The following SCFD2 variants were observed in gnomAD, a reference collection of about 807,000 sequenced individuals.
SCFD2 encodes sec1 family domain containing 2.
A neutral mutation model predicts 58.9 loss-of-function variants in SCFD2; 54 were observed. The ratio of observed to expected loss-of-function variants is 0.92; its 90% confidence interval spans 0.74 to 1.15. The LOEUF is 1.15. Among genes scored for constraint, SCFD2 ranks in the 50% most tolerant of loss-of-function variants. The pLI, the probability that SCFD2 is intolerant of heterozygous loss-of-function variation, is 0.00. For synonymous variants in SCFD2, 321 were observed against 335.9 expected, an observed-to-expected ratio of 0.96 and a Z score of 0.49; for missense variants, 805 against 836.6, an observed-to-expected ratio of 0.96 and a Z score of 0.47.
At chr4:53,216,020 T>C (rs1728817684) in intron 4 of SCFD2, among the ~76,000 whole-genome samples, 1 of 152,202 alleles carries the variant, frequency 6.6e-6, no homozygotes, top group South Asian at 2.1e-4. Context: ...GGATAAGCTT[T>C]CTTGATGTGC....
chr4:53,270,392 C>A (rs1318336275), intron 4 of SCFD2, among the ~76,000 whole-genome samples: 1 of 152,054 alleles, frequency 6.6e-6, no homozygotes, highest in African/African-American at 2.4e-5. Context: ...AACAAAACCT[C>A]AGCAAACATA....
chr4:53,268,357 G>A (rs950697874), intron 4 of SCFD2, among the ~76,000 whole-genome samples: 2 of 152,102 alleles, frequency 1.3e-5, no homozygotes, highest in African/African-American at 4.8e-5. Flanking sequence ...GGACCCAAGT[G>A]GGGTGAAGAG....
intron 5 of SCFD2, among the ~76,000 whole-genome samples, chr4:53,092,489 C>A (rs1724500603): frequency 6.6e-6 from 1 of 151,566 alleles, no homozygotes; most frequent in Non-Finnish European, 1.5e-5. Context: ...AAAACATGTA[C>A]ATGAATATTC....
chr4:52,990,428 T>G (rs1721591516), intron 5 of SCFD2, among the ~76,000 whole-genome samples: 1 of 152,230 alleles, frequency 6.6e-6, no homozygotes, highest in Non-Finnish European at 1.5e-5. Context: ...AATTATCTAA[T>G]TCAGGGATCT....
At chr4:52,935,206 TA>T (rs1463873594) in intron 5 of SCFD2, among the ~76,000 whole-genome samples, 2 of 152,242 alleles carry the variant, frequency 1.3e-5, no homozygotes, top group Non-Finnish European at 2.9e-5. Flanking sequence ...AGGAGCTCAA[TA>T]AATAGTTGCT....
rs557805983 is a variant in SCFD2 at position 53,334,263 on chromosome 4, A to C, written c.1007+18335T>G. 6.6e-5 allele frequency among the ~76,000 whole-genome samples: 10 copies of C among 152,264 alleles called. No individual in the cohort carries two copies. In the South Asian group the frequency reaches 2.1e-3, roughly 32 times the overall value. The stretch of plus-strand genomic sequence containing the variant: ...ATCCCATTACTGGGTATATACCCAA[A>C]GGACTATAAATCTTGCTGCTATAAA... On this transcript the variant is annotated intron_variant, in intron 2 of 8. Coordinates refer to ENST00000401642, the MANE Select transcript of SCFD2 (RefSeq NM_152540.4).
chr4:53,054,905 C>T (rs1168465542), intron 5 of SCFD2, among the ~76,000 whole-genome samples: 1 of 152,120 alleles, frequency 6.6e-6, no homozygotes, highest in Non-Finnish European at 1.5e-5. Flanking sequence ...CTGTCCACTT[C>T]GGCCTCCCAA....
chr4:53,132,347 G>A (rs1422266462), intron 5 of SCFD2, among the ~76,000 whole-genome samples: 1 of 151,994 alleles, frequency 6.6e-6, no homozygotes, highest in Non-Finnish European at 1.5e-5. Context: ...TATGTTCTTC[G>A]TCAGAGTTTC....
At chr4:53,160,673 T>C (rs1396446347) in intron 4 of SCFD2, among the ~76,000 whole-genome samples, 26 of 151,504 alleles carry the variant, frequency 1.7e-4, no homozygotes. Flanking sequence ...GATTCTGGAG[T>C]GAGGAGCAAA....
chr4:53,330,236 T>C (rs1197449807), intron 2 of SCFD2, among the ~76,000 whole-genome samples: 3 of 151,884 alleles, frequency 2.0e-5, no homozygotes, highest in Non-Finnish European at 2.9e-5. Context: ...ATTCAGGAAA[T>C]ACAGAGAACG....
intron 4 of SCFD2, among the ~76,000 whole-genome samples, chr4:53,161,653 T>C (rs370113283): frequency 1.3e-5 from 2 of 152,174 alleles, no homozygotes; most frequent in African/African-American, 4.8e-5. Context: ...GAGGCTGTTT[T>C]CTGTAAACAG....
At chr4:53,235,309 T>G (rs563083114) in intron 4 of SCFD2, among the ~76,000 whole-genome samples, 3 of 152,340 alleles carry the variant, frequency 2.0e-5, no homozygotes, top group Admixed American at 2.0e-4. Flanking sequence ...ATGAGATATC[T>G]CTCCAGACTC....
rs145468683 is a variant in SCFD2, at chr4:53,199,218, T to C, written c.1312-53636A>G. Among the ~76,000 whole-genome samples the C allele has an allele frequency of 1.2e-3, 184 of 152,218 alleles. No individual in the cohort carries two copies. The Middle Eastern group carries it at 0.014, about 11-fold the overall frequency. ...GATGGAAAAGAAGGCAGCATTTCCT[T>C]CTAATAATAACATTTTTCCTTATTA... On this transcript the variant is annotated intron_variant, in intron 4 of 8. Coordinates refer to ENST00000401642, the MANE Select transcript of SCFD2 (RefSeq NM_152540.4).
At chr4:52,874,158 G>T in intron 8 of SCFD2, 97 bp from the exon 9 acceptor site, 1 of 848,258 alleles carries the variant, frequency 1.2e-6, no homozygotes, top group South Asian at 1.5e-5. Context: ...ATGTCTTTGG[G>T]GGAGGGCATG....
At chr4:53,178,590 G>A (rs370782419) in intron 4 of SCFD2, among the ~76,000 whole-genome samples, 149 of 152,140 alleles carry the variant, frequency 9.8e-4, no homozygotes, top group Non-Finnish European at 3.1e-4. Context: ...AAATCAGAGC[G>A]CCTATCCTCC....
chr4:53,193,194 A>G (rs1024357082), intron 4 of SCFD2, among the ~76,000 whole-genome samples: 2 of 152,186 alleles, frequency 1.3e-5, no homozygotes, highest in African/African-American at 4.8e-5. Flanking sequence ...TAAGAAGTGA[A>G]CAAAATTCAT....
rs536980717 is a variant in SCFD2, at chr4:53,304,354, C to T, written c.1135+9282G>A. On this transcript the variant is annotated intron_variant, in intron 3 of 8. Coordinates refer to ENST00000401642, the MANE Select transcript of SCFD2 (RefSeq NM_152540.4). ...ATCTTCGTGGTGTTCTCTGTATTTC[C>T]GGAATTTGAACGTTGGCCTGTCTTG... is the stretch of plus-strand genomic sequence containing the variant. Among the ~76,000 whole-genome samples the T allele has an allele frequency of 3.9e-4, 60 of 152,088 alleles. 1 individual carries two copies. Among genetic ancestry groups the T allele is most frequent in the South Asian group, 1.2e-3 (6 of 4,820 alleles).
intron 5 of SCFD2, among the ~76,000 whole-genome samples, chr4:53,100,595 G>A (rs13117887): frequency 0.21 from 31,349 of 151,988 alleles, 3,583 homozygotes; most frequent in Non-Finnish European, 0.26. Context: ...TTATTAAAAA[G>A]TTGCTTTTAT....
At chr4:53,201,060 C>G (rs1341148451) in intron 4 of SCFD2, among the ~76,000 whole-genome samples, 3 of 151,492 alleles carry the variant, frequency 2.0e-5, no homozygotes, top group African/African-American at 7.3e-5. Flanking sequence ...TTTTAGGGCA[C>G]ACGTACATAG....
Sources: allele counts gnomAD v4.1 joint callset (sites outside exome capture counted in the v4.1 genomes callset), GRCh38; gene constraint gnomAD v4.1.1; transcripts MANE v1.5; gene names NCBI Gene and HGNC (gene_info 2026-07-23, HGNC 2026-07-21).